The following SAMD8 variants were observed in gnomAD, a reference collection of about 807,000 sequenced individuals.
SAMD8 encodes the protein sterile alpha motif domain containing 8, also known as sphingomyelin synthase-related protein 1.
In SAMD8, 20 loss-of-function variants were observed where a neutral mutation model predicts 42.0. That is an observed-to-expected ratio of 0.48 (90% CI 0.34 to 0.69). The LOEUF is 0.69. Among genes scored for constraint, SAMD8 ranks in the 30% least tolerant of loss-of-function variants. The pLI is 0.01. For missense variants in SAMD8, 328 were observed against 511.6 expected (o/e 0.64, Z 3.46); for synonymous variants, 162 against 173.0 (o/e 0.94, Z 0.50).
chr10:75,163,590 G>A (rs569562745), intron 2 of SAMD8, among the ~76,000 whole-genome samples: 3 of 151,964 alleles, frequency 2.0e-5, no homozygotes, highest in South Asian at 2.1e-4. Context: ...GCGCAGCACC[G>A]CATCTGGCTA....
At chr10:75,100,060 G>C (rs551506591) in intron 1 of SAMD8, among the ~76,000 whole-genome samples, 50 of 152,220 alleles carry the variant, frequency 3.3e-4, no homozygotes, top group Middle Eastern at 6.8e-3. Flanking sequence ...ATGGGGCTTT[G>C]GGAAGTGGGA....
At chr10:75,143,949 C>T (rs1025575065) in intron 1 of SAMD8, among the ~76,000 whole-genome samples, 5 of 150,806 alleles carry the variant, frequency 3.3e-5, no homozygotes, top group African/African-American at 1.2e-4. Flanking sequence ...TATATACAAC[C>T]AAATTTATAA....
chr10:75,106,406 T>G (rs1428784387), intron 1 of SAMD8, among the ~76,000 whole-genome samples: 1 of 152,036 alleles, frequency 6.6e-6, no homozygotes, highest in Non-Finnish European at 1.5e-5. Flanking sequence ...ACCTGCAAAT[T>G]GTTTCCCCTG....
At chr10:75,144,889 G>A (rs1381262426) in intron 1 of SAMD8, among the ~76,000 whole-genome samples, 3 of 152,162 alleles carry the variant, frequency 2.0e-5, no homozygotes, top group Non-Finnish European at 4.4e-5. Flanking sequence ...GAACTCATAG[G>A]CTTAAGCAAT....
At chr10:75,127,892 G>T (rs1305117442) in intron 1 of SAMD8, among the ~76,000 whole-genome samples, 1 of 152,084 alleles carries the variant, frequency 6.6e-6, no homozygotes, top group African/African-American at 2.4e-5. Flanking sequence ...TATTTTATTT[G>T]TTCTGGTTGA....
chr10:75,109,813 GT>G (rs1184352339), upstream of SAMD8, among the ~76,000 whole-genome samples: 1 of 140,508 alleles, frequency 7.1e-6, no homozygotes, highest in African/African-American at 2.9e-5. Context: ...GGGGGAAGGT[GT>G]TTTTTTTTGT....
intron 1 of SAMD8, among the ~76,000 whole-genome samples, chr10:75,130,520 A>C (rs1849251669): frequency 6.6e-6 from 1 of 152,092 alleles, no homozygotes; most frequent in African/African-American, 2.4e-5. Context: ...AACAAAAAAA[A>C]CACTATGATC....
intron 1 of SAMD8, among the ~76,000 whole-genome samples, chr10:75,126,434 C>G (rs1162455734): frequency 6.6e-6 from 1 of 151,374 alleles, no homozygotes; most frequent in Non-Finnish European, 1.5e-5. Flanking sequence ...GTGTAATACC[C>G]TTCATATAGT....
rs569452510 is a variant in SAMD8, at chr10:75,178,138, C to T, written c.*1446C>T. On this transcript the variant is annotated 3_prime_UTR_variant, in exon 6 of 6. Transcript: ENST00000542569. ...ATTTTTGCACTTTGAGTCATATTCCCACCCCTGTATAAGCTACATAGGAGC... is the reference window on the plus strand; with the variant it reads ...ATTTTTGCACTTTGAGTCATATTCCTACCCCTGTATAAGCTACATAGGAGC... 4.1e-4 allele frequency: 63 copies of T among 152,278 alleles called. No individual in the cohort carries two copies. The highest frequency in any genetic ancestry group is 1.4e-3 in the African/African-American group (58 of 41,562). 9.4% of individuals were successfully genotyped at this position (152,278 alleles called of 1,614,324 possible).
intron 1 of SAMD8, among the ~76,000 whole-genome samples, chr10:75,119,160 T>G (rs1204746660): frequency 6.6e-6 from 1 of 152,088 alleles, no homozygotes; most frequent in Non-Finnish European, 1.5e-5. Flanking sequence ...ATGATTTGTT[T>G]TTTTTTTTTA....
intron 1 of SAMD8, among the ~76,000 whole-genome samples, chr10:75,124,548 G>A (rs1849084406): frequency 6.7e-6 from 1 of 149,006 alleles, no homozygotes; most frequent in Non-Finnish European, 1.5e-5. Context: ...GGGAGGCGGA[G>A]ATTGCAGTGA....
chr10:75,116,034 T>C (rs1459628028), intron 1 of SAMD8, among the ~76,000 whole-genome samples: 1 of 151,846 alleles, frequency 6.6e-6, no homozygotes, highest in Non-Finnish European at 1.5e-5. Context: ...TTTTATGATA[T>C]GTACCTCAGA....
chr10:75,116,237 T>C (rs932637984), intron 1 of SAMD8, among the ~76,000 whole-genome samples: 3 of 152,110 alleles, frequency 2.0e-5, no homozygotes, highest in African/African-American at 7.2e-5. Flanking sequence ...TAGCTGGGAC[T>C]ATAGGCGTGT....
At chr10:75,166,490 C>G (rs1840683669) in intron 3 of SAMD8, among the ~76,000 whole-genome samples, 1 of 152,050 alleles carries the variant, frequency 6.6e-6, no homozygotes. Context: ...TGACCTTTCT[C>G]CTCACCAGGA....
At position 75,179,531 on chromosome 10, in the gene SAMD8, A is replaced by G. The variant is rs78454285; in HGVS notation, c.*2839A>G. 280 of 152,362 alleles carry G rather than the reference A, an allele frequency of 1.8e-3. No homozygotes were observed. Among genetic ancestry groups the G allele is most frequent in the African/African-American group, 6.4e-3 (267 of 41,598 alleles). The allele number at this position is 152,362 out of a possible 1,614,324, so 9.4% of individuals were successfully genotyped here. ...TTGTAAAATAACTTTTCAGCCTTGC[A>G]CTTGCTCATATATGTTTTGAGAAAA... is the stretch of plus-strand genomic sequence containing the variant. On this transcript the variant is annotated 3_prime_UTR_variant, in exon 6 of 6. Coordinates refer to ENST00000542569, the MANE Select transcript of SAMD8 (RefSeq NM_001174156.2).
At chr10:75,105,749 G>C (rs997719084) in intron 1 of SAMD8, 1 of 1,554,232 alleles carries the variant, frequency 6.4e-7, no homozygotes, top group East Asian at 2.4e-5. Context: ...AAGACCCATC[G>C]GTGCTGCCTC....
Position 75,181,573 on chromosome 10 carries a change from C to T in SAMD8, c.*4881C>T, listed in dbSNP as rs749129979. On this transcript the variant is annotated 3_prime_UTR_variant, in exon 6 of 6. Transcript: ENST00000542569. ...ATAATACATTCTACCCTAAATTAAC[C>T]AAAGGACTTTTTATTCAGTGTATTC... 11 of 152,122 alleles carry T rather than the reference C, an allele frequency of 7.2e-5. No individual in the cohort carries two copies. Among genetic ancestry groups the T allele is most frequent in the Non-Finnish European group, 1.6e-4 (11 of 68,034 alleles). 9.4% of individuals were successfully genotyped at this position (152,122 alleles called of 1,614,324 possible).
At chr10:75,152,965 C>T (rs1393328579) in intron 2 of SAMD8, among the ~76,000 whole-genome samples, 1 of 151,984 alleles carries the variant, frequency 6.6e-6, no homozygotes, top group Non-Finnish European at 1.5e-5. Flanking sequence ...GTATTACTTT[C>T]TTGTTTGTTA....
At chr10:75,123,325 T>C (rs1335441425) in intron 1 of SAMD8, among the ~76,000 whole-genome samples, 2 of 152,154 alleles carry the variant, frequency 1.3e-5, no homozygotes, top group Non-Finnish European at 2.9e-5. Context: ...CCTCTGGTAG[T>C]ACCTCGGCAA....
Sources: gnomAD v4.1 joint callset for allele counts (sites outside exome capture counted in the v4.1 genomes callset) on GRCh38, gnomAD v4.1.1 for gene constraint, MANE v1.5 for transcripts, NCBI Gene and HGNC (gene_info 2026-07-23, HGNC 2026-07-21) for gene names.